The following DNMT1 variants were observed in gnomAD, a reference collection of about 807,000 sequenced individuals.
The protein encoded by DNMT1 is DNA (cytosine-5)-methyltransferase 1.
A neutral mutation model predicts 205.3 loss-of-function variants in DNMT1; 24 were observed. That is an observed-to-expected ratio of 0.12 (90% CI 0.08 to 0.16). The LOEUF is 0.16. DNMT1 is among the 10% of genes least tolerant of loss of function. The pLI is 1.00. For synonymous variants in DNMT1, 817 were observed against 839.8 expected (o/e 0.97, Z 0.47); for missense variants, 1,293 against 2,177.7 (o/e 0.59, Z 8.09).
intron 14 of DNMT1, 114 bp downstream of exon 14, chr19:10,160,270 C>T: frequency 6.4e-7 from 1 of 1,558,540 alleles, no homozygotes; most frequent in Non-Finnish European, 8.8e-7. Context: ...CCAACCCGAT[C>T]CAAAATGAGC....
In DNMT1 at chr19:10,138,303, G is replaced by A; in HGVS notation, c.4115+136C>T. ...GAGACCACAGGTGGCAGAGTGCCAT[G>A]TGGCAGAGCACCGTGTGGCAGGGCA... On this transcript the variant is annotated intron_variant, in intron 35 of 40. Coordinates refer to ENST00000359526, the MANE Select transcript of DNMT1 (RefSeq NM_001130823.3). This position sits in a 1 kb window ranked among gnomAD's most constrained non-coding sequence, Gnocchi z 4.1. The A allele has an allele frequency of 7.3e-7, 1 of 1,378,894 alleles. No individual in the cohort carries two copies. The highest frequency in any genetic ancestry group is 1.0e-6 in the Non-Finnish European group (1 of 995,674). The allele number at this position is 1,378,894 out of a possible 1,614,324, so 85.4% of individuals were successfully genotyped here.
At chr19:10,186,391 G>T (rs1480975002) in intron 1 of DNMT1, among the ~76,000 whole-genome samples, 1 of 152,008 alleles carries the variant, frequency 6.6e-6, no homozygotes, top group Admixed American at 6.6e-5. Flanking sequence ...TGATGACACC[G>T]ATCACACCTG....
chr19:10,176,083 G>A (rs1320089476), intron 6 of DNMT1, among the ~76,000 whole-genome samples: 7 of 151,678 alleles, frequency 4.6e-5, no homozygotes, highest in African/African-American at 1.5e-4. Context: ...CAGGAGAATC[G>A]CTTGAACCTG....
chr19:10,133,583 G>C lies in DNMT1; in HGVS notation c.*84C>G. 6.8e-7 allele frequency: 1 copy of C among 1,476,596 alleles called. No homozygotes were observed. The highest frequency in any genetic ancestry group is 2.4e-5 in the East Asian group (1 of 40,834). 91.5% of individuals were successfully genotyped at this position (1,476,596 alleles called of 1,614,324 possible). On this transcript the variant is annotated 3_prime_UTR_variant, in exon 41 of 41. Transcript: ENST00000359526. This position sits in a 1 kb window ranked among gnomAD's most constrained non-coding sequence, Gnocchi z 4.1. ...AACACCATGTACCACACATGTGAAC[G>C]GACAGATTGACATGTTAAAAACACA...
intron 8 of DNMT1, 136 bp from the exon 9 acceptor site, chr19:10,173,310 A>G: frequency 1.2e-6 from 1 of 820,164 alleles, no homozygotes; most frequent in Non-Finnish European, 2.0e-6. Flanking sequence ...ATACTCATTT[A>G]ACATTTAGTA....
At chr19:10,168,477 G>T (rs1370108465) in intron 9 of DNMT1, 113 bp from the exon 10 acceptor site, 1 of 1,108,182 alleles carries the variant, frequency 9.0e-7, no homozygotes, top group Non-Finnish European at 1.4e-6. Flanking sequence ...CCACTGGTGG[G>T]AGTAAAGACT....
rs763395404 is a variant in DNMT1, at chr19:10,159,778, C to T, written c.1171-11G>A. On this transcript the variant is annotated splice_polypyrimidine_tract_variant and intron_variant, in intron 16 of 40. Coordinates refer to ENST00000359526, the MANE Select transcript of DNMT1 (RefSeq NM_001130823.3). This position sits in a 1 kb window ranked among gnomAD's most constrained non-coding sequence, Gnocchi z 5.0. ...CTGTGGCTCATCCACCTGAAGGACA[C>T]GGGGCTGGTGAGCAGTGGGACAAGG... The T allele has an allele frequency of 6.2e-6, 10 of 1,614,064 alleles. No individual in the cohort carries two copies. The highest frequency in any genetic ancestry group is 2.2e-5 in the East Asian group (1 of 44,894).
In DNMT1 at chr19:10,137,797, C is replaced by T. The variant is rs1389522971; in HGVS notation, c.4293+35G>A. The stretch of plus-strand genomic sequence containing the variant: ...TTCCCACGAGGCTGCTGGGCTGGGC[C>T]TCGAGGAGGAGCCGCTCTGTCAGGG... On this transcript the variant is annotated intron_variant, in intron 36 of 40. Transcript: ENST00000359526. The surrounding 1 kb of genome is among the most constrained non-coding windows in gnomAD (Gnocchi z 6.4). The T allele has an allele frequency of 6.2e-7, 1 of 1,604,074 alleles. No homozygotes were observed. The highest frequency in any genetic ancestry group is 1.1e-5 in the South Asian group (1 of 89,328).
intron 7 of DNMT1, among the ~76,000 whole-genome samples, chr19:10,175,128 C>CACACAT (rs1367311326): frequency 1.5e-4 from 15 of 100,692 alleles, no homozygotes; most frequent in African/African-American, 4.1e-4. Context: ...CACACACACA[C>CACACAT]ATATATATAA....
intron 19 of DNMT1, among the ~76,000 whole-genome samples, chr19:10,155,626 A>G (rs935002461): frequency 6.6e-6 from 1 of 152,044 alleles, no homozygotes; most frequent in South Asian, 2.1e-4. Context: ...TACAGGTGTG[A>G]GCCACCATAT....
chr19:10,168,234 G>A, intron 10 of DNMT1, 96 bp downstream of exon 10: 1 of 1,400,956 alleles, frequency 7.1e-7, no homozygotes, highest in Non-Finnish European at 1.0e-6. Flanking sequence ...TATGATTAGT[G>A]CCCACTGTTC....
chr19:10,183,589 C>G (rs1378420219), intron 1 of DNMT1, among the ~76,000 whole-genome samples: 1 of 152,126 alleles, frequency 6.6e-6, no homozygotes, highest in Non-Finnish European at 1.5e-5. Context: ...GGCGTGGTGG[C>G]TGATGCCTGG....
intron 11 of DNMT1, 44 bp downstream of exon 11, chr19:10,166,554 C>CAGA: frequency 6.2e-7 from 1 of 1,612,148 alleles, no homozygotes; most frequent in Non-Finnish European, 8.5e-7. Context: ...CAAACAGGAG[C>CAGA]AGAAGAATGA....
intron 5 of DNMT1, among the ~76,000 whole-genome samples, chr19:10,179,006 G>A (rs904331651): frequency 2.6e-4 from 39 of 150,764 alleles, no homozygotes; most frequent in Non-Finnish European, 5.5e-4. Flanking sequence ...GCGGGCGCCT[G>A]TAGTCCCAGC....
At chr19:10,169,545 G>A (rs2038769894) in intron 9 of DNMT1, among the ~76,000 whole-genome samples, 1 of 146,350 alleles carries the variant, frequency 6.8e-6, no homozygotes, top group South Asian at 2.2e-4. Context: ...CGACAAGAGC[G>A]AGATTCCGTC....
intron 17 of DNMT1, among the ~76,000 whole-genome samples, chr19:10,157,409 G>A (rs996659315): frequency 5.3e-5 from 8 of 152,150 alleles, no homozygotes; most frequent in East Asian, 1.9e-4. Flanking sequence ...AAACACCTGC[G>A]GCCCCACTGT....
At chr19:10,163,492 C>G in intron 11 of DNMT1, 132 bp from the exon 12 acceptor site, 1 of 886,950 alleles carries the variant, frequency 1.1e-6, no homozygotes, top group Non-Finnish European at 1.8e-6. Context: ...GGAAGACAGG[C>G]AGGCCTGGGC....
At position 10,140,007 on chromosome 19, in the gene DNMT1, G is replaced by A. The variant is rs373981947; in HGVS notation, c.3806+39C>T. ...CACTGCTGACATGCGGCACAGCCCCGGGCCGTCTGGCAACACTGGGGGGCT... is the reference window on the plus strand; with the variant it reads ...CACTGCTGACATGCGGCACAGCCCCAGGCCGTCTGGCAACACTGGGGGGCT... On this transcript the variant is annotated intron_variant, in intron 33 of 40. Transcript: ENST00000359526. This position sits in a 1 kb window ranked among gnomAD's most constrained non-coding sequence, Gnocchi z 8.4. The A allele has an allele frequency of 1.3e-4, 204 of 1,602,588 alleles. No individual in the cohort carries two copies. The highest frequency in any genetic ancestry group is 4.7e-4 in the Admixed American group (28 of 59,998).
intron 9 of DNMT1, among the ~76,000 whole-genome samples, chr19:10,170,812 T>G (rs1185531910): frequency 6.6e-6 from 1 of 152,082 alleles, no homozygotes; most frequent in Admixed American, 6.6e-5. Flanking sequence ...TTGTTTGTTT[T>G]AAGACCAGTC....
Sources: allele counts gnomAD v4.1 joint callset (sites outside exome capture counted in the v4.1 genomes callset), GRCh38; gene constraint gnomAD v4.1.1; non-coding constraint Gnocchi (gnomAD v3.1); transcripts MANE v1.5; gene names NCBI Gene and HGNC (gene_info 2026-07-23, HGNC 2026-07-21).